The following ANKLE1 variants were observed in gnomAD, a reference collection of about 807,000 sequenced individuals.
ANKLE1 encodes the protein structure-specific endonuclease ANKLE1.
A neutral mutation model predicts 56.2 loss-of-function variants in ANKLE1; 59 were observed. The ratio of observed to expected loss-of-function variants is 1.05; its 90% CI spans 0.85 to 1.30. The LOEUF (loss-of-function observed/expected upper bound fraction) is 1.30. ANKLE1 is among the 50% of genes most tolerant of loss of function. The probability of loss-of-function intolerance (pLI) is 0.00; values close to 1 mark genes in which losing one functional copy is unlikely to be tolerated. For missense variants in ANKLE1, 771 were observed against 816.1 expected, an observed-to-expected ratio of 0.94 and a Z score of 0.67; for synonymous variants, 341 against 352.9, an observed-to-expected ratio of 0.97 and a Z score of 0.38.
At chr19:17,282,535 C>G in intron 2 of ANKLE1, 121 bp from the exon 3 acceptor site, 1 of 1,068,358 alleles carries the variant, frequency 9.4e-7, no homozygotes, top group Non-Finnish European at 1.4e-6. Context: ...GGGCAGTGTA[C>G]CAGGGTGGAC....
At chr19:17,282,517 G>GC in intron 2 of ANKLE1, 139 bp from the exon 3 acceptor site, 2 of 969,784 alleles carry the variant, frequency 2.1e-6, no homozygotes, top group Non-Finnish European at 3.1e-6. Context: ...ATAGCATCTA[G>GC]GTTCCAAGGG....
At chr19:17,285,076 G>A (rs1283322240) in intron 6 of ANKLE1, among the ~76,000 whole-genome samples, 1 of 151,926 alleles carries the variant, frequency 6.6e-6, no homozygotes, top group Non-Finnish European at 1.5e-5. Flanking sequence ...CGTGTTCAAC[G>A]TGGAGAAACC....
rs375511983 is a variant in ANKLE1, at chr19:17,282,966, G to C, written c.424G>C (p.Gly142Arg). 8.3e-6 allele frequency: 13 copies of C among 1,566,950 alleles called. No individual in the cohort carries two copies. The highest frequency in any genetic ancestry group is 1.3e-5 in the African/African-American group (1 of 74,142). ...DTRTRTRTRI[G>R]AETQEPEPAP... ...GCGGACCAGGACCCGGACCCGGATC[G>C]GGGCAGAGACTCAGGAGCCCGAGCC... The change falls in exon 4 of 9, where the codon GGG (glycine) becomes CGG (arginine). Residue 142 changes from glycine to arginine, a missense_variant. Gly to Arg is a moderately radical substitution (Grantham distance 125). Transcript: ENST00000404085.
chr19:17,284,658 A>G (rs2145639425), intron 6 of ANKLE1, among the ~76,000 whole-genome samples: 1 of 145,492 alleles, frequency 6.9e-6, no homozygotes, highest in South Asian at 2.2e-4. Context: ...TGCTGGGACT[A>G]CAGGTGTGAG....
Position 17,284,273 on chromosome 19 carries a change from A to G in ANKLE1, c.1376+7A>G. ...ATCTGCTGCTGGACCCCAGGTACTC[A>G]GGGCAGGAAAGCCCCAGAAATAGAA... On this transcript the variant is annotated splice_region_variant and intron_variant, in intron 6 of 8. Coordinates refer to ENST00000404085, the MANE Select transcript of ANKLE1 (RefSeq NM_152363.6). 6.2e-7 allele frequency: 1 copy of G among 1,609,024 alleles called. No homozygotes were observed. Among genetic ancestry groups the G allele is most frequent in the Non-Finnish European group, 8.5e-7 (1 of 1,176,942 alleles).
In ANKLE1 at chr19:17,286,692, T is replaced by TTGTGTGTGTGTGTGTGTGTGTGTGTGTG. The variant is rs71180380; in HGVS notation, c.*161_*162insGTGTGTGTGTGTGTGTGTGTGTGTGTGT. The TTGTGTGTGTGTGTGTGTGTGTGTGTGTG allele has an allele frequency of 1.2e-6, 1 of 826,926 alleles. No individual in the cohort carries two copies. Among genetic ancestry groups the TTGTGTGTGTGTGTGTGTGTGTGTGTGTG allele is most frequent in the Non-Finnish European group, 1.5e-6 (1 of 688,298 alleles). The allele number at this position is 826,926 out of a possible 1,614,324, so 51.2% of individuals were successfully genotyped here. On this transcript the variant is annotated 3_prime_UTR_variant, in exon 9 of 9. Transcript: ENST00000404085. ...TGTGTGTGTGTGTGTGTGTGTGTGT[T>TTGTGTGTGTGTGTGTGTGTGTGTGTGTG]TGTGTGTGTGTGTGTGTGTGTAGGG...
Position 17,286,379 on chromosome 19 carries a change from G to C in ANKLE1, c.1676-1G>C. The stretch of plus-strand genomic sequence containing the variant: ...TGTGACCCCACATCCAATTTCTCCA[G>C]GGATCCAGACGCTCACCAACCAGAA... On this transcript the variant is annotated splice_acceptor_variant, in intron 8 of 8. Coordinates refer to ENST00000404085, the MANE Select transcript of ANKLE1 (RefSeq NM_152363.6). LOFTEE classifies it high-confidence loss of function. 6.4e-7 allele frequency: 1 copy of C among 1,551,140 alleles called. No homozygotes were observed. The highest frequency in any genetic ancestry group is 1.2e-5 in the South Asian group (1 of 82,642).
At chr19:17,284,440 A>G (rs979362615) in intron 6 of ANKLE1, among the ~76,000 whole-genome samples, 174 bp downstream of exon 6, 2 of 152,132 alleles carry the variant, frequency 1.3e-5, no homozygotes, top group East Asian at 1.9e-4. Flanking sequence ...CAGGAGTACA[A>G]TGGTGCCGTC....
At position 17,282,292 on chromosome 19, in the gene ANKLE1, C is replaced by T; in HGVS notation, c.215+83C>T. The T allele has an allele frequency of 5.4e-6, 7 of 1,285,068 alleles. No individual in the cohort carries two copies. The South Asian group carries it at 7.8e-5, about 14-fold the overall frequency. The allele number at this position is 1,285,068 out of a possible 1,614,324, so 79.6% of individuals were successfully genotyped here. A position where few individuals can be genotyped will look rare whatever the true frequency, so the allele number is the denominator to read the frequency against. ...GGAAGGGGCGCCCCATCATCCCGGG[C>T]CAGGCCTCGGGGCTCGAGGGTGGGG... is the stretch of plus-strand genomic sequence containing the variant. On this transcript the variant is annotated intron_variant, in intron 2 of 8. Transcript: ENST00000404085.
At position 17,283,216 on chromosome 19, in the gene ANKLE1, C is replaced by T; in HGVS notation, c.461-9C>T. On this transcript the variant is annotated splice_polypyrimidine_tract_variant and intron_variant, in intron 4 of 8. Coordinates refer to ENST00000404085, the MANE Select transcript of ANKLE1 (RefSeq NM_152363.6). ...TCCTCTCCTCTCTGGCCCCCACTCT[C>T]ACCTGCAGCCCCAGGCCTCTCTGGA... is the stretch of plus-strand genomic sequence containing the variant. 1 of 1,598,964 alleles carries T rather than the reference C, an allele frequency of 6.3e-7. No homozygotes were observed. Among genetic ancestry groups the T allele is most frequent in the East Asian group, 2.2e-5 (1 of 44,634 alleles).
chr19:17,282,209 G>T lies in ANKLE1; in HGVS notation c.215G>T (p.Arg72Leu). 6.7e-7 allele frequency: 1 copy of T among 1,497,328 alleles called. No homozygotes were observed. Among genetic ancestry groups the T allele is most frequent in the Non-Finnish European group, 8.9e-7 (1 of 1,128,066 alleles). The allele number at this position is 1,497,328 out of a possible 1,614,324, so 92.8% of individuals were successfully genotyped here. A position where few individuals can be genotyped will look rare whatever the true frequency, so the allele number is the denominator to read the frequency against. The change falls in exon 2 of 9, where the codon CGA becomes CTA. Residue 72 changes from arginine to leucine, a missense_variant and splice_region_variant. Coordinates refer to ENST00000404085, the MANE Select transcript of ANKLE1 (RefSeq NM_152363.6). The part of the protein sequence containing the change: ...LLRQGGDPNA[R>L]SVEALTPLHV... ...CGCCAAGGCGGGGACCCCAACGCTC[G>T]GTAAGATAGAGCCTGGGTCCGGGGC...
Position 17,286,647 on chromosome 19 carries a change from GGTGTGT to G in ANKLE1, c.*134_*139del, listed in dbSNP as rs58535756. 3.6e-3 allele frequency: 5,109 copies of G among 1,423,052 alleles called. 8 individuals carry two copies. The highest frequency in any genetic ancestry group is 0.022 in the East Asian group (692 of 32,172). 88.2% of individuals were successfully genotyped at this position (1,423,052 alleles called of 1,614,324 possible). ...AGCCCCCATCTCTGGTTTCAGAAGG[GGTGTGT>G]GTGTGTGTGTGTGTGTGTGTGTGTG... On this transcript the variant is annotated 3_prime_UTR_variant, in exon 9 of 9. Transcript: ENST00000404085.
chr19:17,283,227 C>G lies in ANKLE1; in HGVS notation c.463C>G (p.Pro155Ala). Reference protein sequence around the residue: ...TQEPEPAPGTPGLSGPTDETL... With the variant: ...TQEPEPAPGTAGLSGPTDETL... ...CTGGCCCCCACTCTCACCTGCAGCC[C>G]CAGGCCTCTCTGGACCTACCGATGA... Residue 155 changes from proline to alanine, a missense_variant and splice_region_variant, in exon 5 of 9, where the codon CCA becomes GCA. Physicochemically the swap from Pro to Ala is conservative, Grantham distance 27. Coordinates refer to ENST00000404085, the MANE Select transcript of ANKLE1 (RefSeq NM_152363.6). 6.2e-7 allele frequency: 1 copy of G among 1,604,960 alleles called. No individual in the cohort carries two copies.
At position 17,281,945 on chromosome 19, in the gene ANKLE1, C is replaced by T. The variant is rs1442782063; in HGVS notation, c.25C>T (p.Arg9Cys). 2.6e-6 allele frequency: 4 copies of T among 1,534,300 alleles called. No individual in the cohort carries two copies. The highest frequency in any genetic ancestry group is 3.9e-5 in the Admixed American group (2 of 50,856). Residue 9 changes from arginine (R) to cysteine (C), a missense_variant, in exon 1 of 9, where the codon CGC (arginine) becomes TGC (cysteine). Coordinates refer to ENST00000404085, the MANE Select transcript of ANKLE1 (RefSeq NM_152363.6). ...CATGTGCTCGGAGGCCCGCCTGGCT[C>T]GCAGGTTGCGGGATGCGCTGCGGGA... is the stretch of plus-strand genomic sequence containing the variant. Reference protein sequence around the residue: MCSEARLARRLRDALREEE... With the variant: MCSEARLACRLRDALREEE...
rs141089836 is a variant in ANKLE1 at position 17,285,748 on chromosome 19, C to G, written c.1604C>G (p.Ser535Cys). 188 of 1,613,876 alleles carry G rather than the reference C, an allele frequency of 1.2e-4. No individual in the cohort carries two copies. In the African/African-American group the frequency reaches 2.4e-3, roughly 20 times the overall value. Residue 535 changes from serine (S) to cysteine (C), a missense_variant, in exon 8 of 9, where the codon TCC (serine) becomes TGC (cysteine). Transcript: ENST00000404085. Reference sequence around the variant, plus strand: ...TGGGCCAGTGGTTGCGGTGTTGTGTCCCTACATTGCTTCCAGCACGTGGTC... The same window carrying G: ...TGGGCCAGTGGTTGCGGTGTTGTGTGCCTACATTGCTTCCAGCACGTGGTC... ...DIWASGCGVV[S>C]LHCFQHVVAV...
rs370950297 is a variant in ANKLE1 at position 17,285,773 on chromosome 19, C to G, written c.1629C>G (p.Val543=). 9 of 1,613,828 alleles carry G rather than the reference C, an allele frequency of 5.6e-6. No homozygotes were observed. The highest frequency in any genetic ancestry group is 7.6e-6 in the Non-Finnish European group (9 of 1,179,872). ...CCCTACATTGCTTCCAGCACGTGGTCGCTGTGGAGGCTTATACACGGGAGG... is the reference window on the plus strand; with the variant it reads ...CCCTACATTGCTTCCAGCACGTGGTGGCTGTGGAGGCTTATACACGGGAGG... The part of the protein sequence containing the change: ...VVSLHCFQHV[V]AVEAYTREAC... Residue 543 remains valine, a synonymous_variant, in exon 8 of 9, where the codon GTC becomes GTG. Coordinates refer to ENST00000404085, the MANE Select transcript of ANKLE1 (RefSeq NM_152363.6).
rs757884574 is a variant in ANKLE1 at position 17,282,795 on chromosome 19, G to A, written c.321+34G>A. On this transcript the variant is annotated intron_variant, in intron 3 of 8. Coordinates refer to ENST00000404085, the MANE Select transcript of ANKLE1 (RefSeq NM_152363.6). Reference sequence around the variant, plus strand: ...GCACTGCGCGGGCAAAGAAAGGCTGGGTGAGCCCAGAGGGAGGGAAGGAAG... The same window carrying A: ...GCACTGCGCGGGCAAAGAAAGGCTGAGTGAGCCCAGAGGGAGGGAAGGAAG... 3.8e-6 allele frequency: 6 copies of A among 1,570,188 alleles called. 1 individual carries two copies. In the South Asian group the frequency reaches 6.9e-5, roughly 18 times the overall value.
In ANKLE1 at chr19:17,283,015, T is replaced by A; in HGVS notation, c.460+13T>A. ...CCTGCACCTGGCAGTGAGTAGGGCC[T>A]GCAGGGCTGCTGGGGCTTGACTTCT... is the stretch of plus-strand genomic sequence containing the variant. On this transcript the variant is annotated intron_variant, in intron 4 of 8. Transcript: ENST00000404085. 1.9e-6 allele frequency: 3 copies of A among 1,554,380 alleles called. No homozygotes were observed. Among genetic ancestry groups the A allele is most frequent in the Non-Finnish European group, 2.6e-6 (3 of 1,156,356 alleles).
chr19:17,283,088 C>A, intron 4 of ANKLE1, 86 bp downstream of exon 4: 1 of 1,533,570 alleles, frequency 6.5e-7, no homozygotes, highest in Non-Finnish European at 8.7e-7. Flanking sequence ...CCCATTGGTT[C>A]TGACCGTCTC....
Sources: allele counts gnomAD v4.1 joint callset (sites outside exome capture counted in the v4.1 genomes callset), GRCh38; gene constraint gnomAD v4.1.1; transcripts MANE v1.5; gene names NCBI Gene and HGNC (gene_info 2026-07-23, HGNC 2026-07-21).